RABGAP1: variants seen among roughly 807,000 people sequenced by gnomAD.
RABGAP1 encodes the protein rab GTPase-activating protein 1.
A neutral mutation model predicts 137.6 loss-of-function variants in RABGAP1; 23 were observed. The observed-to-expected ratio is 0.17, with a 90% CI of 0.12 to 0.24. The LOEUF (loss-of-function observed/expected upper bound fraction) is 0.24, where lower values mean the gene tolerates loss of function less well. RABGAP1 is among the 10% of genes least tolerant of loss of function. The pLI is 1.00. For synonymous variants in RABGAP1, 451 were observed against 450.7 expected, an observed-to-expected ratio of 1.00 and a Z score of -0.01; for missense variants, 906 against 1,275.8, an observed-to-expected ratio of 0.71 and a Z score of 4.42.
At chr9:123,100,313 A>G (rs1022986902) in intron 24 of RABGAP1, among the ~76,000 whole-genome samples, 6 of 151,926 alleles carry the variant, frequency 3.9e-5, no homozygotes, top group Non-Finnish European at 7.4e-5. Context: ...GCTCATGGCT[A>G]TGTTTGCGCA....
intron 10 of RABGAP1, among the ~76,000 whole-genome samples, chr9:123,005,987 A>T (rs1488271407): frequency 6.6e-6 from 1 of 152,162 alleles, no homozygotes; most frequent in African/African-American, 2.4e-5. Context: ...TTAATGTATA[A>T]GGGTGACTTT....
Position 123,001,616 on chromosome 9 carries a change from G to C in RABGAP1, c.1374+2850G>C, listed in dbSNP as rs918994883. 2.6e-5 allele frequency among the ~76,000 whole-genome samples: 4 copies of C among 152,136 alleles called. No homozygotes were observed. The South Asian group carries it at 8.3e-4, about 31-fold the overall frequency. On this transcript the variant is annotated intron_variant, in intron 10 of 25. Transcript: ENST00000373647. ...GTAGCAGGAGCAGAGATTAGGGGTC[G>C]TCATCTAGAACTTGAATTTGGAGTC...
chr9:123,093,322 C>A (rs1399761034), intron 21 of RABGAP1, among the ~76,000 whole-genome samples: 1 of 152,210 alleles, frequency 6.6e-6, no homozygotes. Context: ...TGACCCCAAT[C>A]AAGCTTTCTG....
intron 2 of RABGAP1, among the ~76,000 whole-genome samples, chr9:122,959,189 G>T (rs954293960): frequency 6.6e-6 from 1 of 152,028 alleles, no homozygotes; most frequent in African/African-American, 2.4e-5. Flanking sequence ...AAAAATCTGG[G>T]AAAAGAGCTT....
chr9:122,939,643 A>G (rs1833458651), upstream of RABGAP1: 1 of 152,252 alleles, frequency 6.6e-6, no homozygotes, highest in Non-Finnish European at 1.5e-5. Context: ...CAAGAAATAC[A>G]TGAAAGTATG....
chr9:123,072,312 A>G (rs1441204357), intron 15 of RABGAP1, among the ~76,000 whole-genome samples: 2 of 152,196 alleles, frequency 1.3e-5, no homozygotes, highest in African/African-American at 4.8e-5. Context: ...GCTTGTTGCT[A>G]TTGGTAGTCA....
At chr9:122,944,656 C>G (rs529059581) in intron 1 of RABGAP1, among the ~76,000 whole-genome samples, 1 of 151,988 alleles carries the variant, frequency 6.6e-6, no homozygotes, top group Admixed American at 6.6e-5. Context: ...CTGCAACCTC[C>G]GCCTTCCGGG....
intron 12 of RABGAP1, among the ~76,000 whole-genome samples, chr9:123,019,336 T>C (rs1322017357): frequency 6.6e-6 from 1 of 152,208 alleles, no homozygotes; most frequent in East Asian, 1.9e-4. Context: ...TTGTCAATTT[T>C]TTTTTTCTAG....
intron 11 of RABGAP1, among the ~76,000 whole-genome samples, chr9:123,014,987 C>T (rs187461358): frequency 3.3e-5 from 5 of 152,146 alleles, no homozygotes; most frequent in Admixed American, 6.5e-5. Flanking sequence ...TACCTCCCTT[C>T]GGGTCCTTCC....
At chr9:123,058,898 AG>A in intron 13 of RABGAP1, among the ~76,000 whole-genome samples, 1 of 152,324 alleles carries the variant, frequency 6.6e-6, no homozygotes, top group East Asian at 1.9e-4. Context: ...GTAATGCTCC[AG>A]TCTTCCCCCA....
intron 19 of RABGAP1, among the ~76,000 whole-genome samples, chr9:123,079,212 TG>T (rs2034620501): frequency 6.9e-6 from 1 of 144,998 alleles, no homozygotes; most frequent in Non-Finnish European, 1.5e-5. Context: ...TGTTGTTGTT[TG>T]TTTTTTTGTT....
intron 9 of RABGAP1, 60 bp downstream of exon 9, chr9:122,997,421 T>C: frequency 8.1e-7 from 1 of 1,231,092 alleles, no homozygotes; most frequent in Non-Finnish European, 1.1e-6. Flanking sequence ...GATGCAAAAC[T>C]AAGGACCCCT....
At chr9:122,963,387 A>C (rs1204584352) in intron 2 of RABGAP1, among the ~76,000 whole-genome samples, 1 of 152,236 alleles carries the variant, frequency 6.6e-6, no homozygotes, top group Non-Finnish European at 1.5e-5. Context: ...ACTCACCCCA[A>C]CAATAGCAGA....
chr9:123,078,706 A>AT (rs2034601598), intron 19 of RABGAP1, among the ~76,000 whole-genome samples: 1 of 152,006 alleles, frequency 6.6e-6, no homozygotes, highest in Non-Finnish European at 1.5e-5. Context: ...CCCCATCTCA[A>AT]TTAGGGGTAC....
Position 123,083,155 on chromosome 9 carries a change from A to G in RABGAP1, c.2424+6393A>G, listed in dbSNP as rs886695171. ...CTAATGGAGTTGGGATTAGATCCCA[A>G]GAGTTTCAGACTCTGAAGTCAATTC... On this transcript the variant is annotated intron_variant, in intron 19 of 25. Transcript: ENST00000373647. Among the ~76,000 whole-genome samples the G allele has an allele frequency of 3.3e-5, 5 of 152,368 alleles. No homozygotes were observed. In the East Asian group the frequency reaches 7.7e-4, roughly 23 times the overall value.
rs1209143249 is a variant in RABGAP1, at chr9:123,077,724, G to A, written c.2424+962G>A. Among the ~76,000 whole-genome samples the A allele has an allele frequency of 2.0e-5, 3 of 149,672 alleles. No homozygotes were observed. The East Asian group carries it at 5.9e-4, about 29-fold the overall frequency. ...TCTGTGGGGCTTTTTTTGAGACAGGGTCTCACTCTTGTTACCCAGGCTGGA... is the reference window on the plus strand; with the variant it reads ...TCTGTGGGGCTTTTTTTGAGACAGGATCTCACTCTTGTTACCCAGGCTGGA... On this transcript the variant is annotated intron_variant, in intron 19 of 25. Coordinates refer to ENST00000373647, the MANE Select transcript of RABGAP1 (RefSeq NM_012197.4).
the RABGAP1 span, among the ~76,000 whole-genome samples, chr9:122,934,300 G>A: frequency 3.3e-5 from 5 of 151,476 alleles, no homozygotes; most frequent in Admixed American, 2.6e-4. Flanking sequence ...GGATGGTCTC[G>A]ATCTCCTGAC....
chr9:123,035,127 C>G, intron 13 of RABGAP1: 1 of 1,613,672 alleles, frequency 6.2e-7, no homozygotes, highest in South Asian at 1.1e-5. Flanking sequence ...CCTGGCACAC[C>G]GACTCCTACT....
At chr9:122,965,032 C>G (rs953086380) in intron 2 of RABGAP1, among the ~76,000 whole-genome samples, 2 of 151,922 alleles carry the variant, frequency 1.3e-5, no homozygotes, top group Non-Finnish European at 2.9e-5. Flanking sequence ...AAGTGAAAAA[C>G]AACAACAACA....
Sources: gnomAD v4.1 joint callset for allele counts (sites outside exome capture counted in the v4.1 genomes callset) on GRCh38, gnomAD v4.1.1 for gene constraint, MANE v1.5 for transcripts, NCBI Gene and HGNC (gene_info 2026-07-23, HGNC 2026-07-21) for gene names.